EQTN: variants seen among roughly 807,000 people sequenced by gnomAD.
EQTN encodes equatorin.
EQTN carries 29 observed loss-of-function variants against 26.9 expected under a neutral mutation model. That is an observed-to-expected ratio of 1.08 (90% CI 0.80 to 1.47). The LOEUF is 1.47. EQTN is among the 40% of genes most tolerant of loss of function. EQTN has a pLI of 0.00. For synonymous variants in EQTN, 129 were observed against 120.0 expected, an observed-to-expected ratio of 1.07 and a Z score of -0.49; for missense variants, 391 against 346.1, an observed-to-expected ratio of 1.13 and a Z score of -1.03.
intron 4 of EQTN, 100 bp from the exon 5 acceptor site, chr9:27,291,163 TTAAACTTTGAGCTCCTA>T: frequency 8.9e-7 from 1 of 1,118,172 alleles, no homozygotes; most frequent in Non-Finnish European, 1.3e-6. Context: ...CATTTAGCAG[TTAAACTTTGAGCTCCTA>T]TAATGTGTCA....
chr9:27,285,520 A>G (rs1292419144), intron 7 of EQTN, among the ~76,000 whole-genome samples: 1 of 152,220 alleles, frequency 6.6e-6, no homozygotes, highest in Admixed American at 6.5e-5. Flanking sequence ...TTTATAAACC[A>G]ATTTACTAAA....
At chr9:27,290,194 G>A (rs1820203765) in intron 5 of EQTN, among the ~76,000 whole-genome samples, 1 of 152,090 alleles carries the variant, frequency 6.6e-6, no homozygotes, top group Admixed American at 6.6e-5. Context: ...ATTTTAAACA[G>A]CAAAATCATC....
At chr9:27,291,308 A>G (rs1205731646) in intron 4 of EQTN, among the ~76,000 whole-genome samples, 1 of 152,204 alleles carries the variant, frequency 6.6e-6, no homozygotes, top group Non-Finnish European at 1.5e-5. Flanking sequence ...CAGATTAATG[A>G]AGGCGTTAAT....
At chr9:27,286,477 T>C in intron 6 of EQTN, 115 bp from the exon 7 acceptor site, 1 of 1,017,398 alleles carries the variant, frequency 9.8e-7, no homozygotes, top group Non-Finnish European at 1.4e-6. Context: ...GAGTATTAAC[T>C]GGCCGGTCTC....
Position 27,294,363 on chromosome 9 carries a change from T to G in EQTN, c.242A>C (p.Glu81Ala). 6.2e-7 allele frequency: 1 copy of G among 1,611,254 alleles called. No homozygotes were observed. The highest frequency in any genetic ancestry group is 2.2e-5 in the East Asian group (1 of 44,842). Reference protein sequence around the residue: ...TTQNPNGTESEISVRATTDLN... With the variant: ...TTQNPNGTESAISVRATTDLN... Reference sequence around the variant, plus strand: ...GTCAGTTGTGGCTCTCACAGATATTTCAGACTCAGTGCCATTTGGATTTTG... The same window carrying G: ...GTCAGTTGTGGCTCTCACAGATATTGCAGACTCAGTGCCATTTGGATTTTG... Residue 81 changes from glutamate to alanine, a missense_variant, in exon 3 of 8, where the codon GAA (glutamate) becomes GCA (alanine). Glu to Ala is a moderately radical substitution (Grantham distance 107, BLOSUM62 -1). Transcript: ENST00000380032.
chr9:27,294,703 T>C (rs1820303010), intron 2 of EQTN, among the ~76,000 whole-genome samples: 1 of 152,198 alleles, frequency 6.6e-6, no homozygotes, highest in South Asian at 2.1e-4. Context: ...GATTTGTAGA[T>C]GTGCAACATT....
At chr9:27,292,568 A>T in intron 3 of EQTN, 81 bp from the exon 4 acceptor site, 4 of 746,768 alleles carry the variant, frequency 5.4e-6, no homozygotes, top group Non-Finnish European at 8.7e-6. Flanking sequence ...AATATCTATT[A>T]AATGGATATT....
intron 2 of EQTN, 150 bp downstream of exon 2, chr9:27,296,462 TG>T: frequency 2.0e-6 from 1 of 510,316 alleles, no homozygotes; most frequent in Non-Finnish European, 3.3e-6. Flanking sequence ...AATGGAAAAA[TG>T]GGCAAGGGTA....
chr9:27,286,589 G>C (rs973587476), intron 6 of EQTN, among the ~76,000 whole-genome samples: 1 of 152,178 alleles, frequency 6.6e-6, no homozygotes, highest in African/African-American at 2.4e-5. Context: ...GCTGTCCTTA[G>C]CTCCATTTTA....
rs141375878 is a variant in EQTN, at chr9:27,286,215, T to C, written c.629A>G (p.His210Arg). The change falls in exon 7 of 8, where the codon CAT becomes CGT. Residue 210 changes from histidine (H) to arginine (R), a missense_variant. His to Arg is a conservative substitution (Grantham distance 29). Transcript: ENST00000380032. ...CAGAGGTCTGCAGACTTACCTCAGA[T>C]GCCTCAGTTTGTACAGTGTAGCACT... ...FCSATLYKLR[H>R]LSYKSCESQY... The C allele has an allele frequency of 1.7e-5, 28 of 1,613,860 alleles. No homozygotes were observed. The African/African-American group carries it at 3.1e-4, about 18-fold the overall frequency.
intron 6 of EQTN, among the ~76,000 whole-genome samples, chr9:27,286,821 A>G (rs1372687419): frequency 6.6e-6 from 1 of 152,128 alleles, no homozygotes; most frequent in Non-Finnish European, 1.5e-5. Flanking sequence ...TCATACACTG[A>G]TTTTTCTTTT....
intron 1 of EQTN, 118 bp downstream of exon 1, chr9:27,296,862 T>C (rs1820355788): frequency 6.4e-7 from 1 of 1,555,966 alleles, no homozygotes; most frequent in Non-Finnish European, 8.6e-7. Context: ...AAACATACCA[T>C]AGCTCCAACA....
intron 6 of EQTN, among the ~76,000 whole-genome samples, chr9:27,287,377 G>A (rs1322984539): frequency 6.6e-6 from 1 of 152,116 alleles, no homozygotes; most frequent in African/African-American, 2.4e-5. Context: ...GTTAAAATGG[G>A]CTGTGCTCCT....
At chr9:27,287,517 G>T (rs541400037) in intron 6 of EQTN, among the ~76,000 whole-genome samples, 2 of 152,278 alleles carry the variant, frequency 1.3e-5, no homozygotes, top group African/African-American at 2.4e-5. Context: ...TGACAGAAAA[G>T]CTAGTTACAA....
In EQTN at chr9:27,284,991, T is replaced by C; in HGVS notation, c.636-19A>G. 1 of 1,597,704 alleles carries C rather than the reference T, an allele frequency of 6.3e-7. No homozygotes were observed. The highest frequency in any genetic ancestry group is 8.5e-7 in the Non-Finnish European group (1 of 1,172,782). Reference sequence around the variant, plus strand: ...TTTATAACTGAAGAAGAAAAGAACATATATCAAGAATTGTTTTTAATTGTG... The same window carrying C: ...TTTATAACTGAAGAAGAAAAGAACACATATCAAGAATTGTTTTTAATTGTG... On this transcript the variant is annotated intron_variant, in intron 7 of 7. Transcript: ENST00000380032.
chr9:27,285,116 G>C (rs1820092344), intron 7 of EQTN, 144 bp from the exon 8 acceptor site: 1 of 159,314 alleles, frequency 6.3e-6, no homozygotes, highest in Non-Finnish European at 1.3e-5. Context: ...ATGATATATA[G>C]TTTTTCTTTT....
rs771202740 is a variant in EQTN at position 27,284,856 on chromosome 9, G to A, written c.752C>T (p.Thr251Ile). ...TSFSKSAESS[T>I]FLGTTSSDMR... is the part of the protein sequence containing the mutation. ...ATCTGAAGAAGTGGTACCCAAAAAT[G>A]TGCTGCTCTCTGCACTCTTGGAAAA... is the stretch of plus-strand genomic sequence containing the variant. Residue 251 changes from threonine (T) to isoleucine (I), a missense_variant, in exon 8 of 8, where the codon ACA (threonine) becomes ATA (isoleucine). Coordinates refer to ENST00000380032, the MANE Select transcript of EQTN (RefSeq NM_020641.3). The A allele has an allele frequency of 5.6e-6, 9 of 1,613,986 alleles. No individual in the cohort carries two copies. Among genetic ancestry groups the A allele is most frequent in the Non-Finnish European group, 6.8e-6 (8 of 1,180,018 alleles).
chr9:27,290,906 A>G, intron 5 of EQTN, 113 bp downstream of exon 5: 1 of 799,344 alleles, frequency 1.3e-6, no homozygotes, highest in Non-Finnish European at 1.8e-6. Flanking sequence ...ACATGTGGCA[A>G]CAAAATGTTG....
intron 6 of EQTN, among the ~76,000 whole-genome samples, chr9:27,287,529 C>T (rs1016785319): frequency 1.8e-4 from 27 of 152,090 alleles, no homozygotes; most frequent in African/African-American, 6.5e-4. Context: ...TAGTTACAAG[C>T]GTGGGCAGCT....
Sources: gnomAD v4.1 joint callset for allele counts (sites outside exome capture counted in the v4.1 genomes callset) on GRCh38, gnomAD v4.1.1 for gene constraint, MANE v1.5 for transcripts, NCBI Gene and HGNC (gene_info 2026-07-23, HGNC 2026-07-21) for gene names.